The following FAT3 variants were observed in gnomAD, a reference collection of about 807,000 sequenced individuals.
FAT3 encodes protocadherin Fat 3.
In FAT3, 95 loss-of-function variants were observed where a neutral mutation model predicts 310.2. The observed-to-expected ratio is 0.31, with a 90% confidence interval of 0.26 to 0.36. The LOEUF is 0.36. Ranked by LOEUF, FAT3 falls within the 10% of genes least tolerant of loss-of-function variation. The pLI, the probability that FAT3 is intolerant of heterozygous loss-of-function variation, is 1.00. For synonymous variants in FAT3, 2,314 were observed against 2,192.9 expected, an observed-to-expected ratio of 1.06 and a Z score of -1.54; for missense variants, 5,408 against 5,715.6, an observed-to-expected ratio of 0.95 and a Z score of 1.74.
intron 2 of FAT3, among the ~76,000 whole-genome samples, chr11:92,486,584 T>A (rs553149599): frequency 6.6e-6 from 1 of 152,282 alleles, no homozygotes; most frequent in South Asian, 2.1e-4. Context: ...TTTTTTATGC[T>A]CTCTCTTAGA....
intron 3 of FAT3, among the ~76,000 whole-genome samples, chr11:92,628,455 A>T (rs1381318407): frequency 6.7e-6 from 1 of 149,914 alleles, no homozygotes; most frequent in Admixed American, 6.6e-5. Context: ...AGCAGCTATG[A>T]TAATATGTGA....
rs139886230 is a variant in FAT3, at chr11:92,763,321, A to G, written c.3984+1151A>G. 2.5e-3 allele frequency among the ~76,000 whole-genome samples: 374 copies of G among 152,186 alleles called. 2 individuals are homozygous for G. The highest frequency in any genetic ancestry group is 8.6e-3 in the African/African-American group (357 of 41,510). On this transcript the variant is annotated intron_variant, in intron 5 of 27. Coordinates refer to ENST00000525166, the MANE Select transcript of FAT3 (RefSeq NM_001367949.2). Reference sequence around the variant, plus strand: ...TTGCTGTGCTCGGTTATGTGTCCAGAACAGTGGGCAGAGAAAAAAAATATA... The same window carrying G: ...TTGCTGTGCTCGGTTATGTGTCCAGGACAGTGGGCAGAGAAAAAAAATATA...
At chr11:92,578,372 G>A (rs1417572263) in intron 3 of FAT3, among the ~76,000 whole-genome samples, 1 of 151,978 alleles carries the variant, frequency 6.6e-6, no homozygotes, top group Non-Finnish European at 1.5e-5. Flanking sequence ...TACCCAGTTT[G>A]GAAACACTAG....
intron 3 of FAT3, among the ~76,000 whole-genome samples, chr11:92,528,158 G>T (rs1055188325): frequency 3.3e-5 from 5 of 152,098 alleles, no homozygotes; most frequent in Non-Finnish European, 7.4e-5. Flanking sequence ...AAATAACTGG[G>T]TTTTTTTCTA....
chr11:92,617,423 C>T (rs1376974781), intron 3 of FAT3, among the ~76,000 whole-genome samples: 1 of 152,164 alleles, frequency 6.6e-6, no homozygotes, highest in Non-Finnish European at 1.5e-5. Flanking sequence ...TGGGTTCGAA[C>T]TTCCCCCTTT....
At chr11:92,640,825 T>A (rs535731791) in intron 3 of FAT3, among the ~76,000 whole-genome samples, 41 of 152,286 alleles carry the variant, frequency 2.7e-4, no homozygotes, top group African/African-American at 9.9e-4. Context: ...TTCCCCAACA[T>A]AAGGCACAGT....
rs143775127 is a variant in FAT3 at position 92,427,582 on chromosome 11, G to T, written c.3292+72178G>T. 9.5e-3 allele frequency among the ~76,000 whole-genome samples: 1,449 copies of T among 152,098 alleles called. 20 individuals carry two copies. The highest frequency in any genetic ancestry group is 0.033 in the African/African-American group (1,363 of 41,538). On this transcript the variant is annotated intron_variant, in intron 2 of 27. Transcript: ENST00000525166. The stretch of plus-strand genomic sequence containing the variant: ...TATTGAGAGTTTTTAGAATGAAGGG[G>T]TGTTGAATTTTATCAGAGGCCTTTG...
At chr11:92,529,491 T>C (rs538302132) in intron 3 of FAT3, among the ~76,000 whole-genome samples, 3 of 152,324 alleles carry the variant, frequency 2.0e-5, no homozygotes, top group Non-Finnish European at 4.4e-5. Context: ...TTTTCATTTG[T>C]TTCTGAGTTT....
At chr11:92,331,534 G>A (rs1487640891) in intron 1 of FAT3, among the ~76,000 whole-genome samples, 4 of 152,132 alleles carry the variant, frequency 2.6e-5, no homozygotes, top group Admixed American at 2.0e-4. Flanking sequence ...TGTCTGTCAT[G>A]GGTGTTTTGG....
At chr11:92,250,632 T>G (rs1326361211) in intron 1 of FAT3, among the ~76,000 whole-genome samples, 2 of 152,118 alleles carry the variant, frequency 1.3e-5, no homozygotes, top group African/African-American at 4.8e-5. Context: ...AAAGCAAAAC[T>G]GCATTCAAGA....
At chr11:92,412,106 T>G (rs1441139986) in intron 2 of FAT3, among the ~76,000 whole-genome samples, 1 of 151,982 alleles carries the variant, frequency 6.6e-6, no homozygotes, top group African/African-American at 2.4e-5. Flanking sequence ...GTTATTATTA[T>G]TATTTATTAT....
chr11:92,559,034 G>A (rs1955123849), intron 3 of FAT3, among the ~76,000 whole-genome samples: 1 of 152,112 alleles, frequency 6.6e-6, no homozygotes, highest in Non-Finnish European at 1.5e-5. Flanking sequence ...CAACCAATAA[G>A]GTTGCTATTA....
In FAT3 at chr11:92,353,044, A is replaced by G; in HGVS notation, c.932A>G (p.Gln311Arg). The G allele has an allele frequency of 6.2e-7, 1 of 1,613,758 alleles. No homozygotes were observed. Among genetic ancestry groups the G allele is most frequent in the Non-Finnish European group, 8.5e-7 (1 of 1,179,876 alleles). ...VSIVAGDPLD[Q>R]FFLAKEGKWL... ...ATTGTGGCTGGGGATCCTTTAGATC[A>G]GTTCTTCCTGGCTAAGGAAGGAAAG... Residue 311 changes from glutamine (Q) to arginine (R), a missense_variant, in exon 2 of 28, where the codon CAG becomes CGG. Physicochemically the swap from Gln to Arg is conservative, Grantham distance 43. Transcript: ENST00000525166.
At chr11:92,391,098 A>T (rs1949738161) in intron 2 of FAT3, among the ~76,000 whole-genome samples, 1 of 152,196 alleles carries the variant, frequency 6.6e-6, no homozygotes, top group African/African-American at 2.4e-5. Flanking sequence ...TAACAACTCC[A>T]AGTAGCCTAA....
intron 2 of FAT3, among the ~76,000 whole-genome samples, chr11:92,362,129 C>A (rs1277241921): frequency 6.6e-6 from 1 of 152,220 alleles, no homozygotes; most frequent in Non-Finnish European, 1.5e-5. Context: ...TTTCTTTGCA[C>A]TGAGGCTCTT....
chr11:92,804,790 T>C (rs1473689893), intron 10 of FAT3, among the ~76,000 whole-genome samples: 4 of 152,160 alleles, frequency 2.6e-5, no homozygotes, highest in Non-Finnish European at 4.4e-5. Context: ...AGAGCTAGAG[T>C]GTATTACATC....
chr11:92,235,526 T>A (rs908091554), intron 1 of FAT3, among the ~76,000 whole-genome samples: 6 of 152,168 alleles, frequency 3.9e-5, no homozygotes, highest in Non-Finnish European at 8.8e-5. Context: ...TCTCCCACTC[T>A]TATTGCTATA....
At chr11:92,829,745 A>G (rs1948193355) in intron 13 of FAT3, among the ~76,000 whole-genome samples, 1 of 152,208 alleles carries the variant, frequency 6.6e-6, no homozygotes, top group Admixed American at 6.5e-5. Context: ...ATGTGTATAC[A>G]TCACAGGGCA....
At chr11:92,609,762 A>T (rs1327380684) in intron 3 of FAT3, among the ~76,000 whole-genome samples, 1 of 152,160 alleles carries the variant, frequency 6.6e-6, no homozygotes, top group Non-Finnish European at 1.5e-5. Flanking sequence ...TGATTTAAGC[A>T]TATCATTTCT....
Sources: allele counts gnomAD v4.1 joint callset (sites outside exome capture counted in the v4.1 genomes callset), GRCh38; gene constraint gnomAD v4.1.1; transcripts MANE v1.5; gene names NCBI Gene and HGNC (gene_info 2026-07-23, HGNC 2026-07-21).